Variants in TANC2 observed in about 807,000 individuals in gnomAD.
The protein encoded by TANC2 is protein TANC2.
Under a neutral mutation model 210.5 loss-of-function variants are expected in TANC2, and 26 were observed. The ratio of observed to expected loss-of-function variants is 0.12; its 90% CI spans 0.09 to 0.17. The LOEUF (loss-of-function observed/expected upper bound fraction) is 0.17. Ranked by LOEUF, TANC2 falls within the 10% of genes least tolerant of loss-of-function variation. The pLI is 1.00. For missense variants in TANC2, 2,129 were observed against 2,608.9 expected (o/e 0.82, Z 4.01); for synonymous variants, 931 against 967.1 (o/e 0.96, Z 0.69).
chr17:63,060,487 G>C (rs2035956433), intron 2 of TANC2, among the ~76,000 whole-genome samples: 1 of 152,132 alleles, frequency 6.6e-6, no homozygotes, highest in Non-Finnish European at 1.5e-5. Flanking sequence ...TGGGCATGGT[G>C]GTGGGCGCCT....
At chr17:63,132,147 G>A (rs979220030) in intron 4 of TANC2, among the ~76,000 whole-genome samples, 2 of 152,032 alleles carry the variant, frequency 1.3e-5, no homozygotes, top group African/African-American at 2.4e-5. Context: ...ACAAGAAGAT[G>A]TATCGATTTA....
Position 63,422,185 on chromosome 17 carries a change from C to G in TANC2, c.*230C>G, listed in dbSNP as rs1052632725. 2.8e-5 allele frequency: 14 copies of G among 504,646 alleles called. No individual in the cohort carries two copies. The South Asian group carries it at 3.3e-4, about 12-fold the overall frequency. 31.3% of individuals were successfully genotyped at this position (504,646 alleles called of 1,614,324 possible). A position where few individuals can be genotyped will look rare whatever the true frequency, so the allele number is the denominator to read the frequency against. On this transcript the variant is annotated 3_prime_UTR_variant, in exon 28 of 28. Coordinates refer to ENST00000689528, the Ensembl canonical transcript of TANC2. ...GTGCCCAGCCACATGCTCTCTCCCT[C>G]TCTTCAGATGCCAACGAGGAGATTT...
intron 2 of TANC2, among the ~76,000 whole-genome samples, chr17:63,036,204 T>C (rs2034965805): frequency 1.3e-5 from 2 of 150,074 alleles, no homozygotes; most frequent in South Asian, 4.2e-4. Context: ...TTAAAAACTC[T>C]TTGGCTAATC....
intron 5 of TANC2, among the ~76,000 whole-genome samples, chr17:63,174,204 C>T (rs1221860873): frequency 6.6e-6 from 1 of 152,202 alleles, no homozygotes. Flanking sequence ...GGCAGTAAAG[C>T]TATGCAGGGT....
intron 8 of TANC2, among the ~76,000 whole-genome samples, chr17:63,254,901 A>G (rs193124679): frequency 2.0e-5 from 3 of 152,042 alleles, no homozygotes; most frequent in African/African-American, 7.2e-5. Flanking sequence ...GGATTTTTGC[A>G]TCAGTGTTCA....
At chr17:63,069,907 T>C (rs866269121) in intron 2 of TANC2, among the ~76,000 whole-genome samples, 4 of 152,292 alleles carry the variant, frequency 2.6e-5, no homozygotes, top group African/African-American at 9.6e-5. Context: ...TGCCTGGGTC[T>C]GTCTTTTTTG....
At chr17:63,247,061 G>T (rs983837189) in intron 8 of TANC2, among the ~76,000 whole-genome samples, 1 of 151,840 alleles carries the variant, frequency 6.6e-6, no homozygotes, top group Admixed American at 6.6e-5. Context: ...CTTATTTTGT[G>T]TATTGTTATC....
intron 9 of TANC2, among the ~76,000 whole-genome samples, chr17:63,270,802 A>G (rs2043676930): frequency 1.3e-5 from 2 of 151,970 alleles, no homozygotes; most frequent in South Asian, 2.1e-4. Context: ...ATTTTTCCCA[A>G]TCTTTTCCCT....
At chr17:63,262,439 C>T (rs1483635881) in intron 8 of TANC2, among the ~76,000 whole-genome samples, 1 of 152,192 alleles carries the variant, frequency 6.6e-6, no homozygotes, top group Non-Finnish European at 1.5e-5. Flanking sequence ...ATCCTCCCAC[C>T]TCAGCCTTCT....
At chr17:62,969,711 G>A (rs533295468) in intron 1 of TANC2, among the ~76,000 whole-genome samples, 19 of 137,044 alleles carry the variant, frequency 1.4e-4, no homozygotes, top group East Asian at 3.9e-4. Flanking sequence ...GTGTGTGTGT[G>A]TATATAAATA....
chr17:63,143,104 A>G (rs184178538), intron 4 of TANC2, among the ~76,000 whole-genome samples: 1 of 152,340 alleles, frequency 6.6e-6, no homozygotes, highest in African/African-American at 2.4e-5. Flanking sequence ...GGAACAGCTC[A>G]TATGTTTTAT....
chr17:63,409,661 A>T (rs1198180325), intron 21 of TANC2, among the ~76,000 whole-genome samples: 1 of 152,170 alleles, frequency 6.6e-6, no homozygotes. Flanking sequence ...CCTACTACAC[A>T]CCTAGGCTGT....
At chr17:63,366,554 A>G (rs1428230959) in intron 14 of TANC2, among the ~76,000 whole-genome samples, 1 of 152,218 alleles carries the variant, frequency 6.6e-6, no homozygotes, top group Non-Finnish European at 1.5e-5. Flanking sequence ...TTGTTGGAAC[A>G]GAGAAAAGAT....
chr17:63,105,833 A>G (rs1310127222), intron 4 of TANC2, among the ~76,000 whole-genome samples: 1 of 151,588 alleles, frequency 6.6e-6, no homozygotes, highest in Non-Finnish European at 1.5e-5. Flanking sequence ...ATATCTTGCA[A>G]TTTTAGGATA....
chr17:63,288,665 A>C (rs999075484), intron 9 of TANC2, among the ~76,000 whole-genome samples: 4 of 152,046 alleles, frequency 2.6e-5, no homozygotes, highest in Non-Finnish European at 5.9e-5. Flanking sequence ...ATGTTTTTGG[A>C]GAATTTACCC....
chr17:63,123,719 C>T (rs1267297908), intron 4 of TANC2, among the ~76,000 whole-genome samples: 3 of 124,440 alleles, frequency 2.4e-5, no homozygotes, highest in South Asian at 2.7e-4. Context: ...GATGGAGCCT[C>T]GCTGTCACCC....
At chr17:63,368,629 C>T (rs537076757) in intron 14 of TANC2, among the ~76,000 whole-genome samples, 75 of 152,194 alleles carry the variant, frequency 4.9e-4, no homozygotes, top group Non-Finnish European at 1.0e-3. Flanking sequence ...GGAGGGGATG[C>T]TCACCAGCAC....
chr17:63,270,136 A>C (rs1465738856), intron 9 of TANC2, among the ~76,000 whole-genome samples: 1 of 152,152 alleles, frequency 6.6e-6, no homozygotes, highest in African/African-American at 2.4e-5. Context: ...TAGCAGTGTA[A>C]AGTATACTAA....
rs1388250674 is a variant in TANC2, at chr17:63,420,543, G to A, written c.4813G>A (p.Val1605Met). Reference sequence around the variant, plus strand: ...ATCTTACCGTTTCAGCCCCCCTCCTGTGGGAGGACAGGGCAAAGAATACCC... The same window carrying A: ...ATCTTACCGTTTCAGCCCCCCTCCTATGGGAGGACAGGGCAAAGAATACCC... The change falls in exon 28 of 28, where the codon GTG becomes ATG. Residue 1605 changes from valine to methionine, a missense_variant. Physicochemically the swap from Val to Met is conservative, Grantham distance 21 (BLOSUM62 1). Around this residue, in one of 5 missense-constraint regions of TANC2, gnomAD observed 584 missense variants for 627.3 expected, o/e 0.93. Coordinates refer to ENST00000689528, the Ensembl canonical transcript of TANC2. This position sits in a 1 kb window ranked among gnomAD's most constrained non-coding sequence, Gnocchi z 4.2. The A allele has an allele frequency of 6.2e-7, 1 of 1,613,808 alleles. No individual in the cohort carries two copies.
Sources: gnomAD v4.1 joint callset for allele counts (sites outside exome capture counted in the v4.1 genomes callset) on GRCh38, gnomAD v4.1.1 for gene constraint, gnomAD v4.1.1 regional missense constraint, Gnocchi (gnomAD v3.1) non-coding constraint, MANE v1.5 for transcripts, NCBI Gene and HGNC (gene_info 2026-07-23, HGNC 2026-07-21) for gene names.